Variants in NRG1 observed in about 807,000 individuals in gnomAD.
The protein encoded by NRG1 is neuregulin 1, also known as pro-neuregulin-1, membrane-bound isoform.
NRG1 carries 18 observed loss-of-function variants against 63.8 expected under a neutral mutation model. The observed-to-expected ratio is 0.28, with a 90% CI of 0.19 to 0.42. NRG1 has a LOEUF of 0.42. NRG1 is among the 10% of genes least tolerant of loss of function. The pLI is 1.00. For synonymous variants in NRG1, 302 were observed against 301.3 expected (o/e 1.00, Z -0.02); for missense variants, 762 against 814.7 (o/e 0.94, Z 0.79).
intron 1 of NRG1, among the ~76,000 whole-genome samples, chr8:31,891,000 A>T (rs920060008): frequency 6.6e-6 from 1 of 152,234 alleles, no homozygotes; most frequent in Non-Finnish European, 1.5e-5. Flanking sequence ...ACAAAAGTCA[A>T]CTGAAAATGG....
At chr8:31,886,690 G>T (rs569932597) in intron 1 of NRG1, among the ~76,000 whole-genome samples, 4 of 152,040 alleles carry the variant, frequency 2.6e-5, no homozygotes, top group African/African-American at 9.7e-5. Context: ...TGTGTTCGGA[G>T]GGGGAGCAAC....
intron 1 of NRG1, among the ~76,000 whole-genome samples, chr8:32,011,328 C>G (rs535267688): frequency 1.6e-4 from 25 of 152,154 alleles, no homozygotes; most frequent in African/African-American, 5.8e-4. Flanking sequence ...TTTAGAGCAT[C>G]CTTCAAGAGG....
chr8:31,959,872 C>T (rs1174046353), intron 1 of NRG1, among the ~76,000 whole-genome samples: 14 of 149,988 alleles, frequency 9.3e-5, no homozygotes, highest in South Asian at 8.4e-4. Context: ...CTGCCCAGGC[C>T]GGTCTTGAAG....
chr8:32,577,710 T>TG (rs1460308500), intron 1 of NRG1, among the ~76,000 whole-genome samples: 2 of 151,968 alleles, frequency 1.3e-5, no homozygotes, highest in Non-Finnish European at 1.5e-5. Flanking sequence ...ACTTTTTTTT[T>TG]TTGTTTTTCG....
intron 1 of NRG1, among the ~76,000 whole-genome samples, chr8:31,813,337 G>A (rs1436757056): frequency 6.6e-6 from 1 of 151,998 alleles, no homozygotes; most frequent in Non-Finnish European, 1.5e-5. Flanking sequence ...GTGCAGGCAT[G>A]CACTACATAA....
chr8:32,617,604 G>T (rs1195073635), intron 5 of NRG1, among the ~76,000 whole-genome samples: 1 of 152,166 alleles, frequency 6.6e-6, no homozygotes, highest in Non-Finnish European at 1.5e-5. Context: ...CAACAGGGGA[G>T]TTTATCAAAC....
chr8:32,014,802 A>T (rs11784990), intron 1 of NRG1, among the ~76,000 whole-genome samples: 84,070 of 150,704 alleles, frequency 0.56, 26,814 homozygotes, highest in Non-Finnish European at 0.72. Flanking sequence ...GCAGATGATC[A>T]TCTTAAGATG....
At chr8:31,981,725 A>C (rs1375332380) in intron 1 of NRG1, among the ~76,000 whole-genome samples, 2 of 152,018 alleles carry the variant, frequency 1.3e-5, no homozygotes, top group East Asian at 3.9e-4. Flanking sequence ...TTTAATAAAA[A>C]CAGCATGGTC....
In NRG1 at chr8:32,678,690, C is replaced by T. The variant is rs78331194; in HGVS notation, c.503-49259C>T. ...AATAAAGGAGGTTAAATTGGACTTCCGGGCTTTGGTGAAATTAATTAATAC... is the reference window on the plus strand; with the variant it reads ...AATAAAGGAGGTTAAATTGGACTTCTGGGCTTTGGTGAAATTAATTAATAC... On this transcript the variant is annotated intron_variant, in intron 5 of 11. Coordinates refer to ENST00000356819, the Ensembl canonical transcript of NRG1. Among the ~76,000 whole-genome samples, 19 of 152,208 alleles carry T rather than the reference C, an allele frequency of 1.2e-4. No homozygotes were observed. The East Asian group carries it at 3.1e-3, about 25-fold the overall frequency.
chr8:32,620,385 C>T (rs1365855466), intron 5 of NRG1, among the ~76,000 whole-genome samples: 2 of 152,016 alleles, frequency 1.3e-5, no homozygotes, highest in Non-Finnish European at 2.9e-5. Flanking sequence ...ATGTATTAAA[C>T]AGTTCTCTGC....
chr8:32,608,092 G>GTTTTTTTTTGTTTTTTTT (rs1845600747), intron 3 of NRG1, among the ~76,000 whole-genome samples: 5 of 106,192 alleles, frequency 4.7e-5, no homozygotes, highest in South Asian at 3.2e-4. Context: ...GGTTTTTTTT[G>GTTTTTTTTTGTTTTTTTT]TTTTTTTTTT....
At chr8:32,525,935 C>A (rs1207038210) in intron 1 of NRG1, among the ~76,000 whole-genome samples, 2 of 152,200 alleles carry the variant, frequency 1.3e-5, no homozygotes, top group East Asian at 1.9e-4. Context: ...TCTATCTCTT[C>A]TAGCTTTTCT....
Position 31,774,076 on chromosome 8 carries a change from A to C in NRG1, c.37+134645A>C, listed in dbSNP as rs186937695. Among the ~76,000 whole-genome samples the C allele has an allele frequency of 6.9e-3, 1,045 of 151,904 alleles. 7 individuals are homozygous for C. Among genetic ancestry groups the C allele is most frequent in the Non-Finnish European group, 8.8e-3 (600 of 67,962 alleles). ...TGGCTTGCTATGGCTCACAGGAACC[A>C]AGTGTGATCTGGCCTGAGTCAGTCT... On this transcript the variant is annotated intron_variant, in intron 1 of 10. Transcript: ENST00000519301.
intron 5 of NRG1, among the ~76,000 whole-genome samples, chr8:32,673,883 T>G (rs1256780652): frequency 6.6e-6 from 1 of 152,204 alleles, no homozygotes; most frequent in Non-Finnish European, 1.5e-5. Flanking sequence ...TGAAACCTTT[T>G]ACTTAGAAAT....
In NRG1 at chr8:32,600,446, T is replaced by C. The variant is rs577334348; in HGVS notation, c.278+4441T>C. ...TATATGTGTTTAAGTTGCCTTAGCCTGTAACTATGGTAGAATAATCGAGTT... is the reference window on the plus strand; with the variant it reads ...TATATGTGTTTAAGTTGCCTTAGCCCGTAACTATGGTAGAATAATCGAGTT... On this transcript the variant is annotated intron_variant, in intron 2 of 11. Coordinates refer to ENST00000356819, the Ensembl canonical transcript of NRG1. Among the ~76,000 whole-genome samples, 20 of 152,244 alleles carry C rather than the reference T, an allele frequency of 1.3e-4. No homozygotes were observed. The Middle Eastern group carries it at 0.01, about 78-fold the overall frequency.
intron 1 of NRG1, among the ~76,000 whole-genome samples, chr8:31,905,876 T>C (rs1832481209): frequency 6.6e-6 from 1 of 152,354 alleles, no homozygotes; most frequent in Admixed American, 6.5e-5. Context: ...ATTAGTAGTA[T>C]AAATCTTGGA....
At chr8:31,794,154 G>A (rs1176734055) in intron 1 of NRG1, among the ~76,000 whole-genome samples, 2 of 152,048 alleles carry the variant, frequency 1.3e-5, no homozygotes, top group African/African-American at 4.8e-5. Flanking sequence ...TTCTCTCAGA[G>A]GTATTTTTAA....
At chr8:31,863,360 TA>T (rs369261076) in intron 1 of NRG1, among the ~76,000 whole-genome samples, 1 of 152,290 alleles carries the variant, frequency 6.6e-6, no homozygotes, top group African/African-American at 2.4e-5. Flanking sequence ...TAAGTTTTAT[TA>T]GGGGAAGGGG....
intron 2 of NRG1, among the ~76,000 whole-genome samples, chr8:32,596,601 A>AC (rs1222891360): frequency 6.7e-6 from 1 of 149,840 alleles, no homozygotes; most frequent in Non-Finnish European, 1.5e-5. Context: ...CTCCATCTCA[A>AC]AAAAAAAAAA....
Sources: allele counts gnomAD v4.1 joint callset (sites outside exome capture counted in the v4.1 genomes callset), GRCh38; gene constraint gnomAD v4.1.1; transcripts MANE v1.5; gene names NCBI Gene and HGNC (gene_info 2026-07-23, HGNC 2026-07-21).